Variants in MFAP3L observed in about 807,000 individuals in gnomAD.
The protein encoded by MFAP3L is microfibrillar-associated protein 3-like.
Under a neutral mutation model 20.0 loss-of-function variants are expected in MFAP3L, and 5 were observed. The observed-to-expected ratio is 0.25, with a 90% confidence interval of 0.13 to 0.53. The LOEUF (loss-of-function observed/expected upper bound fraction) is 0.53. Ranked by LOEUF, MFAP3L falls within the 20% of genes least tolerant of loss-of-function variation. The pLI is 0.96. For synonymous variants in MFAP3L, 219 were observed against 213.0 expected (o/e 1.03, Z -0.25); for missense variants, 409 against 527.5 (o/e 0.78, Z 2.20).
chr4:170,000,721 A>G (rs762972771), intron 2 of MFAP3L, among the ~76,000 whole-genome samples: 1 of 152,256 alleles, frequency 6.6e-6, no homozygotes, highest in East Asian at 1.9e-4. Context: ...GTTTGCTACC[A>G]TTTGATGTTC....
intron 2 of MFAP3L, among the ~76,000 whole-genome samples, chr4:169,996,592 C>A (rs149297820): frequency 1.3e-5 from 2 of 152,028 alleles, no homozygotes; most frequent in South Asian, 2.1e-4. Context: ...GAGAGGAATG[C>A]GAGTAAAAGA....
At chr4:169,996,692 C>T (rs940397097) in intron 2 of MFAP3L, among the ~76,000 whole-genome samples, 2 of 152,126 alleles carry the variant, frequency 1.3e-5, no homozygotes, top group South Asian at 4.1e-4. Flanking sequence ...CCGAGAAGGG[C>T]TCAGATGGAG....
At chr4:169,995,879 T>C (rs1166201628) in intron 2 of MFAP3L, among the ~76,000 whole-genome samples, 1 of 152,122 alleles carries the variant, frequency 6.6e-6, no homozygotes, top group Non-Finnish European at 1.5e-5. Context: ...CTACATGCAA[T>C]GATTTTGGAA....
At chr4:169,999,518 AAT>A (rs1560973524) in intron 2 of MFAP3L, among the ~76,000 whole-genome samples, 4 of 152,180 alleles carry the variant, frequency 2.6e-5, no homozygotes, top group African/African-American at 9.7e-5. Flanking sequence ...ATGGGCTCAT[AAT>A]AGTCTTTTCT....
At chr4:170,010,219 A>G (rs1164046709) in intron 1 of MFAP3L, among the ~76,000 whole-genome samples, 1 of 152,192 alleles carries the variant, frequency 6.6e-6, no homozygotes, top group Non-Finnish European at 1.5e-5. Flanking sequence ...TGTTTCTGCC[A>G]CTTCCTTTCC....
intron 2 of MFAP3L, among the ~76,000 whole-genome samples, chr4:170,004,244 T>A (rs1276883283): frequency 6.6e-6 from 1 of 150,592 alleles, no homozygotes; most frequent in Non-Finnish European, 1.5e-5. Context: ...GGCCTAGTCA[T>A]AGCCACTTAA....
Position 170,006,079 on chromosome 4 carries a change from G to A in MFAP3L, c.-133-69C>T, listed in dbSNP as rs143817178. On this transcript the variant is annotated intron_variant, in intron 1 of 2. Coordinates refer to ENST00000361618, the MANE Select transcript of MFAP3L (RefSeq NM_021647.8). ...TTCATCCATTCAAAACACTATAAAC[G>A]GTTAGCAATGCAGCTAAAATACAAA... 8.1e-5 allele frequency: 97 copies of A among 1,199,628 alleles called. No individual in the cohort carries two copies. The African/African-American group carries it at 1.1e-3, about 14-fold the overall frequency. The allele number at this position is 1,199,628 out of a possible 1,614,324, so 74.3% of individuals were successfully genotyped here. A position where few individuals can be genotyped will look rare whatever the true frequency, so the allele number is the denominator to read the frequency against.
chr4:169,991,244 C>T lies in MFAP3L; in HGVS notation c.*134G>A. The T allele has an allele frequency of 1.1e-6, 1 of 944,236 alleles. No individual in the cohort carries two copies. Among genetic ancestry groups the T allele is most frequent in the Non-Finnish European group, 1.6e-6 (1 of 635,768 alleles). 58.5% of individuals were successfully genotyped at this position (944,236 alleles called of 1,614,324 possible). A position where few individuals can be genotyped will look rare whatever the true frequency, so the allele number is the denominator to read the frequency against. ...CATTCACTGCAGGCAGGTGTTTCTC[C>T]TTTTAAAGTGGCATCACTCCTACCT... On this transcript the variant is annotated 3_prime_UTR_variant, in exon 3 of 3. Coordinates refer to ENST00000361618, the MANE Select transcript of MFAP3L (RefSeq NM_021647.8). This position sits in a 1 kb window ranked among gnomAD's most constrained non-coding sequence, Gnocchi z 4.9.
At chr4:169,998,773 C>T (rs1738394568) in intron 2 of MFAP3L, among the ~76,000 whole-genome samples, 1 of 152,238 alleles carries the variant, frequency 6.6e-6, no homozygotes, top group African/African-American at 2.4e-5. Context: ...CCTCACACAC[C>T]CATGCTTTTC....
intron 1 of MFAP3L, among the ~76,000 whole-genome samples, chr4:170,025,376 G>A (rs1740287132): frequency 6.6e-6 from 1 of 152,172 alleles, no homozygotes; most frequent in South Asian, 2.1e-4. Flanking sequence ...TTAAATCGAA[G>A]ATAACGCAAA....
chr4:169,992,136 G>A lies in MFAP3L; in HGVS notation c.472C>T (p.Leu158=), dbSNP rs1206416991. 1.9e-6 allele frequency: 3 copies of A among 1,614,164 alleles called. No individual in the cohort carries two copies. The highest frequency in any genetic ancestry group is 1.7e-5 in the Admixed American group (1 of 60,022). Residue 158 remains leucine, a synonymous_variant, in exon 3 of 3, where the codon CTG becomes TTG. Coordinates refer to ENST00000361618, the MANE Select transcript of MFAP3L (RefSeq NM_021647.8). The surrounding 1 kb of genome is among the most constrained non-coding windows in gnomAD (Gnocchi z 4.3). The stretch of plus-strand genomic sequence containing the variant: ...ACCATGACGATGGTGAAGGCCACCA[G>A]GCACACGACCATGTAGTAGACACCC... The part of the protein sequence containing the change: ...DMGVYYMVVC[L]VAFTIVMVLN...
At position 169,991,731 on chromosome 4, in the gene MFAP3L, G is replaced by C. The variant is rs1737710306; in HGVS notation, c.877C>G (p.Leu293Val). 1 of 1,614,020 alleles carries C rather than the reference G, an allele frequency of 6.2e-7. No homozygotes were observed. Residue 293 changes from leucine (L) to valine (V), a missense_variant, in exon 3 of 3, where the codon CTG becomes GTG. Around this residue, in one of 3 missense-constraint regions of MFAP3L, gnomAD observed 169 missense variants for 178.2 expected, o/e 0.95. Transcript: ENST00000361618. The surrounding 1 kb of genome is among the most constrained non-coding windows in gnomAD (Gnocchi z 4.9). ...GCGGCAGGGGAGTCGCTCCGCTTCA[G>C]AGAGTTGGGGATTGTGTAGACCTCA... Reference protein sequence around the residue: ...RDEVYTIPNSLKRSDSPAADS... With the variant: ...RDEVYTIPNSVKRSDSPAADS...
chr4:170,004,659 G>A (rs910980341), intron 2 of MFAP3L, among the ~76,000 whole-genome samples: 2 of 152,116 alleles, frequency 1.3e-5, no homozygotes, highest in African/African-American at 4.8e-5. Context: ...ATAAAATGAG[G>A]GAAAGAGATT....
intron 1 of MFAP3L, among the ~76,000 whole-genome samples, chr4:170,016,322 C>A (rs1739698887): frequency 6.6e-6 from 1 of 152,212 alleles, no homozygotes; most frequent in African/African-American, 2.4e-5. Flanking sequence ...CTCGCTCAAT[C>A]CCCATCAGCC....
intron 1 of MFAP3L, among the ~76,000 whole-genome samples, chr4:170,025,455 T>G (rs1740290731): frequency 6.6e-6 from 1 of 152,210 alleles, no homozygotes; most frequent in African/African-American, 2.4e-5. Flanking sequence ...TTCGATCGTA[T>G]CTTAACTGTT....
chr4:169,991,541 G>T lies in MFAP3L; in HGVS notation c.1067C>A (p.Thr356Asn). The change falls in exon 3 of 3, where the codon ACT becomes AAT. Residue 356 changes from threonine to asparagine, a missense_variant. Transcript: ENST00000361618. This position sits in a 1 kb window ranked among gnomAD's most constrained non-coding sequence, Gnocchi z 4.9. ...CGTGACATCGGTAGAAGGTTCTGCA[G>T]TTTCGGGGGAATGTTCCGCCGACAG... ...TELSAEHSPETAEPSTDVTST... is the reference protein window; with the variant it reads ...TELSAEHSPENAEPSTDVTST... 3 of 1,614,180 alleles carry T rather than the reference G, an allele frequency of 1.9e-6. No individual in the cohort carries two copies. Among genetic ancestry groups the T allele is most frequent in the Non-Finnish European group, 2.5e-6 (3 of 1,180,032 alleles).
In MFAP3L at chr4:169,991,793, C is replaced by T; in HGVS notation, c.815G>A (p.Arg272Lys). ...GGCCTCCTGGCCCTCTGGAGTATGCCTCACAAAATTCTGCCCCTGCTCCTC... is the reference window on the plus strand; with the variant it reads ...GGCCTCCTGGCCCTCTGGAGTATGCTTCACAAAATTCTGCCCCTGCTCCTC... Reference protein sequence around the residue: ...GLEEQGQNFVRHTPEGQEAAD... With the variant: ...GLEEQGQNFVKHTPEGQEAAD... Residue 272 changes from arginine (R) to lysine (K), a missense_variant, in exon 3 of 3, where the codon AGG becomes AAG. Physicochemically the swap from Arg to Lys is conservative, Grantham distance 26. Around this residue, in one of 3 missense-constraint regions of MFAP3L, gnomAD observed 169 missense variants for 178.2 expected, o/e 0.95. Transcript: ENST00000361618. The surrounding 1 kb of genome is among the most constrained non-coding windows in gnomAD (Gnocchi z 4.9). 6.2e-7 allele frequency: 1 copy of T among 1,614,168 alleles called. No homozygotes were observed. Among genetic ancestry groups the T allele is most frequent in the East Asian group, 2.2e-5 (1 of 44,876 alleles).
chr4:170,005,060 T>C (rs1738942860), intron 2 of MFAP3L: 1 of 155,416 alleles, frequency 6.4e-6, no homozygotes, highest in Non-Finnish European at 1.4e-5. Context: ...TGTTATTGCA[T>C]CCTCCCTCCC....
Position 169,991,720 on chromosome 4 carries a change from G to A in MFAP3L, c.888C>T (p.Ser296=), listed in dbSNP as rs148946628. 1.8e-5 allele frequency: 29 copies of A among 1,614,032 alleles called. No homozygotes were observed. The highest frequency in any genetic ancestry group is 2.5e-5 in the Non-Finnish European group (29 of 1,180,008). ...CGTCCGAGTCAGCGGCAGGGGAGTC[G>A]CTCCGCTTCAGAGAGTTGGGGATTG... ...VYTIPNSLKR[S]DSPAADSDAS... is the part of the protein sequence containing the mutation. The change falls in exon 3 of 3, where the codon AGC becomes AGT. Residue 296 remains serine, a synonymous_variant. Transcript: ENST00000361618. The surrounding 1 kb of genome is among the most constrained non-coding windows in gnomAD (Gnocchi z 4.9).
Sources: allele counts gnomAD v4.1 joint callset (sites outside exome capture counted in the v4.1 genomes callset), GRCh38; gene constraint gnomAD v4.1.1; regional missense constraint gnomAD v4.1.1; non-coding constraint Gnocchi (gnomAD v3.1); transcripts MANE v1.5; gene names NCBI Gene and HGNC (gene_info 2026-07-23, HGNC 2026-07-21).